DCC: variants seen among roughly 807,000 people sequenced by gnomAD.
The protein encoded by DCC is DCC netrin 1 receptor.
DCC carries 58 observed loss-of-function variants against 172.5 expected under a neutral mutation model. That is an observed-to-expected ratio of 0.34 (90% CI 0.27 to 0.42). The LOEUF (loss-of-function observed/expected upper bound fraction) is 0.42. DCC is among the 10% of genes least tolerant of loss of function. DCC has a pLI of 1.00. For missense variants in DCC, 1,740 were observed against 1,791.0 expected (o/e 0.97, Z 0.51); for synonymous variants, 709 against 644.5 (o/e 1.10, Z -1.52).
At chr18:52,918,024 T>C (rs1032490255) in intron 3 of DCC, among the ~76,000 whole-genome samples, 4 of 152,180 alleles carry the variant, frequency 2.6e-5, no homozygotes, top group Non-Finnish European at 4.4e-5. Context: ...TTGTCAAATA[T>C]GTTTTCTAGG....
At chr18:53,340,754 G>T (rs1298147901) in intron 15 of DCC, among the ~76,000 whole-genome samples, 1 of 152,086 alleles carries the variant, frequency 6.6e-6, no homozygotes, top group Non-Finnish European at 1.5e-5. Context: ...AAAGCAAAAT[G>T]TAAGTTGATT....
intron 7 of DCC, among the ~76,000 whole-genome samples, chr18:53,112,944 C>T (rs989714842): frequency 6.6e-6 from 1 of 151,484 alleles, no homozygotes; most frequent in South Asian, 2.1e-4. Context: ...TACTGACTTA[C>T]ATTTTGAAAA....
chr18:52,401,367 C>A (rs1986434542), intron 1 of DCC, among the ~76,000 whole-genome samples: 1 of 152,122 alleles, frequency 6.6e-6, no homozygotes, highest in Middle Eastern at 3.4e-3. Context: ...CTAGTTACAA[C>A]TTAACTTGGA....
chr18:53,103,855 C>T (rs1315703789), intron 7 of DCC, among the ~76,000 whole-genome samples: 1 of 151,844 alleles, frequency 6.6e-6, no homozygotes, highest in Non-Finnish European at 1.5e-5. Context: ...TCATTATTTG[C>T]CTTTATATTA....
chr18:52,668,947 T>C (rs1271011788), intron 1 of DCC, among the ~76,000 whole-genome samples: 2 of 152,198 alleles, frequency 1.3e-5, no homozygotes, highest in Non-Finnish European at 2.9e-5. Context: ...AGCTGATTTA[T>C]CAAGACAGGG....
intron 9 of DCC, among the ~76,000 whole-genome samples, chr18:53,181,442 C>T (rs1344230609): frequency 1.4e-5 from 2 of 147,130 alleles, no homozygotes; most frequent in Non-Finnish European, 3.0e-5. Flanking sequence ...CCAACGTTCC[C>T]AAGCCAAGGG....
chr18:53,418,446 T>C (rs1272944546), intron 21 of DCC, among the ~76,000 whole-genome samples: 1 of 152,152 alleles, frequency 6.6e-6, no homozygotes, highest in Non-Finnish European at 1.5e-5. Context: ...AGCAAATTAG[T>C]TGAATATGTT....
intron 1 of DCC, among the ~76,000 whole-genome samples, chr18:52,379,719 G>T (rs558152483): frequency 6.6e-6 from 1 of 152,240 alleles, no homozygotes; most frequent in Non-Finnish European, 1.5e-5. Context: ...TAGTTATCAG[G>T]TTCCTGGATA....
chr18:52,637,263 T>G (rs2034799816), intron 1 of DCC, among the ~76,000 whole-genome samples: 1 of 152,068 alleles, frequency 6.6e-6, no homozygotes, highest in Non-Finnish European at 1.5e-5. Flanking sequence ...ACAAGGCTCT[T>G]CTACACCACC....
At chr18:52,875,802 T>A (rs2039395121) in intron 2 of DCC, among the ~76,000 whole-genome samples, 1 of 152,192 alleles carries the variant, frequency 6.6e-6, no homozygotes, top group Non-Finnish European at 1.5e-5. Context: ...TTTGGAGCTT[T>A]TCTTCTCCCA....
At chr18:53,479,901 TG>T (rs1297825056) in intron 25 of DCC, among the ~76,000 whole-genome samples, 1 of 152,194 alleles carries the variant, frequency 6.6e-6, no homozygotes, top group East Asian at 1.9e-4. Flanking sequence ...TTTGGAGATC[TG>T]GGGGTAACTT....
chr18:52,639,127 C>A (rs935435112), intron 1 of DCC, among the ~76,000 whole-genome samples: 1 of 152,050 alleles, frequency 6.6e-6, no homozygotes, highest in African/African-American at 2.4e-5. Context: ...AGTAATGACA[C>A]AACCTACCAA....
At chr18:52,969,911 A>T (rs1367863120) in intron 5 of DCC, among the ~76,000 whole-genome samples, 1 of 152,130 alleles carries the variant, frequency 6.6e-6, no homozygotes, top group African/African-American at 2.4e-5. Context: ...TGAGAGAATG[A>T]TAGAGATCAT....
intron 22 of DCC, among the ~76,000 whole-genome samples, chr18:53,445,510 C>T (rs1353838576): frequency 6.6e-6 from 1 of 152,182 alleles, no homozygotes; most frequent in African/African-American, 2.4e-5. Context: ...GGAGCCAGGG[C>T]TCTTAGAGTC....
chr18:52,366,618 A>G (rs1984869588), intron 1 of DCC, among the ~76,000 whole-genome samples: 4 of 151,400 alleles, frequency 2.6e-5, no homozygotes, highest in Non-Finnish European at 5.9e-5. Context: ...GCGCTCAGAA[A>G]CCTTGAGCTA....
intron 12 of DCC, among the ~76,000 whole-genome samples, chr18:53,278,625 G>C (rs2056833519): frequency 6.6e-6 from 1 of 152,228 alleles, no homozygotes; most frequent in Middle Eastern, 3.4e-3. Flanking sequence ...AAAGCCTATT[G>C]ATGTGACTTG....
intron 7 of DCC, among the ~76,000 whole-genome samples, chr18:53,096,597 G>A (rs1419710244): frequency 6.6e-6 from 1 of 152,020 alleles, no homozygotes; most frequent in East Asian, 1.9e-4. Flanking sequence ...GAAAAATAAG[G>A]CAATTAAAGA....
chr18:52,637,186 C>T (rs556111639), intron 1 of DCC, among the ~76,000 whole-genome samples: 2 of 152,304 alleles, frequency 1.3e-5, no homozygotes, highest in South Asian at 4.1e-4. Flanking sequence ...CAGCCCTAGA[C>T]CTTCCCTCTG....
intron 1 of DCC, among the ~76,000 whole-genome samples, chr18:52,749,157 A>C (rs1017913700): frequency 1.3e-5 from 2 of 152,020 alleles, no homozygotes; most frequent in Non-Finnish European, 2.9e-5. Context: ...GCATCACTGC[A>C]CTCCAGCCTG....
Sources: allele counts gnomAD v4.1 joint callset (sites outside exome capture counted in the v4.1 genomes callset), GRCh38; gene constraint gnomAD v4.1.1; transcripts MANE v1.5; gene names NCBI Gene and HGNC (gene_info 2026-07-23, HGNC 2026-07-21).